SLC32A1: variants seen among roughly 807,000 people sequenced by gnomAD.
SLC32A1 encodes solute carrier family 32 member 1, also known as vesicular inhibitory amino acid transporter.
SLC32A1 carries 8 observed loss-of-function variants against 35.5 expected under a neutral mutation model. The ratio of observed to expected loss-of-function variants is 0.23; its 90% CI spans 0.13 to 0.41. The LOEUF (loss-of-function observed/expected upper bound fraction) is 0.41, where lower values mean the gene tolerates loss of function less well. SLC32A1 is among the 10% of genes least tolerant of loss of function. SLC32A1 has a pLI of 1.00. For synonymous variants in SLC32A1, 317 were observed against 326.3 expected, an observed-to-expected ratio of 0.97 and a Z score of 0.31; for missense variants, 493 against 722.3, an observed-to-expected ratio of 0.68 and a Z score of 3.64.
rs765185879 is a variant in SLC32A1, at chr20:38,727,961, C to T, written c.900C>T (p.Tyr300=). 6.2e-6 allele frequency: 10 copies of T among 1,614,170 alleles called. 1 individual carries two copies. In the South Asian group the frequency reaches 9.9e-5, roughly 16 times the overall value. The change falls in exon 2 of 2, where the codon TAC becomes TAT. Residue 300 remains tyrosine, a synonymous_variant. Coordinates refer to ENST00000217420, the MANE Select transcript of SLC32A1 (RefSeq NM_080552.3). ...RDWAWEKVKF[Y]IDVKKFPISI... ...GGGCCTGGGAGAAGGTCAAGTTCTA[C>T]ATCGACGTCAAGAAGTTCCCCATCT...
intron 1 of SLC32A1, 42 bp downstream of exon 1, chr20:38,725,156 C>T: frequency 6.7e-7 from 1 of 1,501,370 alleles, no homozygotes; most frequent in Non-Finnish European, 8.9e-7. Flanking sequence ...TCCCCCCTCC[C>T]AGCTCAGCGT....
chr20:38,727,288 A>G, intron 1 of SLC32A1, among the ~76,000 whole-genome samples, 164 bp from the exon 2 acceptor site: 1 of 150,190 alleles, frequency 6.7e-6, no homozygotes, highest in East Asian at 2.0e-4. Flanking sequence ...CCCTACATCC[A>G]CCCCGCAGCC....
Position 38,728,368 on chromosome 20 carries a change from G to A in SLC32A1, c.1307G>A (p.Arg436His). Residue 436 changes from arginine to histidine, a missense_variant, in exon 2 of 2, where the codon CGC becomes CAC. This residue lies in a region of SLC32A1 where 269 missense variants were observed against 445.6 expected (regional missense o/e 0.60). Transcript: ENST00000217420. ...GRLKSWGLTL[R>H]CALVVFTLLM... ...CTGAAGTCCTGGGGGCTGACGCTGC[G>A]CTGCGCGCTCGTCGTCTTCACGCTG... The A allele has an allele frequency of 6.2e-7, 1 of 1,611,408 alleles. No homozygotes were observed.
At chr20:38,725,487 G>A (rs1282835512) in intron 1 of SLC32A1, among the ~76,000 whole-genome samples, 1 of 152,188 alleles carries the variant, frequency 6.6e-6, no homozygotes, top group East Asian at 1.9e-4. Context: ...ATTCACAGCT[G>A]CATTTTTGGG....
chr20:38,725,224 A>G (rs1316230907), intron 1 of SLC32A1, 110 bp downstream of exon 1: 1 of 1,326,616 alleles, frequency 7.5e-7, no homozygotes, highest in South Asian at 1.7e-5. Flanking sequence ...CCCCTCCTGT[A>G]CCCAGGAATC....
chr20:38,728,059 C>G lies in SLC32A1; in HGVS notation c.998C>G (p.Pro333Arg), dbSNP rs771604217. The G allele has an allele frequency of 1.2e-6, 2 of 1,614,030 alleles. No homozygotes were observed. Among genetic ancestry groups the G allele is most frequent in the South Asian group, 2.2e-5 (2 of 91,088 alleles). ...TCGCTGGAGGGCAATATGCAGCAGC[C>G]CAGCGAGTTCCACTGCATGATGAAC... ...LPSLEGNMQQ[P>R]SEFHCMMNWT... The change falls in exon 2 of 2, where the codon CCC becomes CGC. Residue 333 changes from proline (P) to arginine (R), a missense_variant. By Grantham distance (103) the Pro-to-Arg change is moderately radical. Coordinates refer to ENST00000217420, the MANE Select transcript of SLC32A1 (RefSeq NM_080552.3).
chr20:38,728,731 T>G lies in SLC32A1; in HGVS notation c.*92T>G, dbSNP rs2084288346. The stretch of plus-strand genomic sequence containing the variant: ...AGCCCAGTGCGCCCTGCCGCCGCGC[T>G]TGGGAGGCCAAGCTTTAAACATCTC... On this transcript the variant is annotated 3_prime_UTR_variant, in exon 2 of 2. Coordinates refer to ENST00000217420, the MANE Select transcript of SLC32A1 (RefSeq NM_080552.3). 2 of 1,198,408 alleles carry G rather than the reference T, an allele frequency of 1.7e-6. No individual in the cohort carries two copies. The highest frequency in any genetic ancestry group is 1.5e-5 in the African/African-American group (1 of 64,896). 74.2% of individuals were successfully genotyped at this position (1,198,408 alleles called of 1,614,324 possible). A position where few individuals can be genotyped will look rare whatever the true frequency, so the allele number is the denominator to read the frequency against.
chr20:38,725,818 C>A (rs1184835581), intron 1 of SLC32A1, among the ~76,000 whole-genome samples: 1 of 152,200 alleles, frequency 6.6e-6, no homozygotes, highest in Non-Finnish European at 1.5e-5. Flanking sequence ...CCCTTGGGTG[C>A]GGCCCTGTTG....
intron 1 of SLC32A1, 54 bp from the exon 2 acceptor site, chr20:38,727,398 A>C (rs934530840): frequency 8.4e-6 from 13 of 1,550,328 alleles, no homozygotes; most frequent in Middle Eastern, 1.8e-4. Flanking sequence ...CGGGCCCCTC[A>C]TCCGTTGCCA....
Position 38,727,777 on chromosome 20 carries a change from C to A in SLC32A1, c.716C>A (p.Ser239Ter). 2.5e-6 allele frequency: 4 copies of A among 1,614,186 alleles called. No homozygotes were observed. Among genetic ancestry groups the A allele is most frequent in the Non-Finnish European group, 3.4e-6 (4 of 1,180,046 alleles). Residue 239 changes from serine (S) to a stop codon, truncating the protein, a stop_gained, in exon 2 of 2, where the codon TCG (serine) becomes TAG (stop). Transcript: ENST00000217420. LOFTEE classifies it high-confidence loss of function. ...MYNSFPGLPV[S>*]QKSWSIIATA... ...AACAGCTTCCCGGGGCTGCCCGTGT[C>A]GCAGAAGTCCTGGTCCATTATCGCC...
rs2084277937 is a variant in SLC32A1 at position 38,726,817 on chromosome 20, C to A, written c.391-635C>A. Among the ~76,000 whole-genome samples the A allele has an allele frequency of 6.6e-6, 1 of 152,206 alleles. No homozygotes were observed. Among genetic ancestry groups the A allele is most frequent in the Non-Finnish European group, 1.5e-5 (1 of 68,036 alleles). On this transcript the variant is annotated intron_variant, in intron 1 of 1. Coordinates refer to ENST00000217420, the MANE Select transcript of SLC32A1 (RefSeq NM_080552.3). This position sits in a 1 kb window ranked among gnomAD's most constrained non-coding sequence, Gnocchi z 4.7. Reference sequence around the variant, plus strand: ...CGTCTTCACATTGTCTCTGTTCTTGCCTCCCAGGGGCTTTGCCCCACCTTC... The same window carrying A: ...CGTCTTCACATTGTCTCTGTTCTTGACTCCCAGGGGCTTTGCCCCACCTTC...
rs1033324768 is a variant in SLC32A1, at chr20:38,724,766, G to T, written c.42G>T (p.Thr14=). ...GCAGCAAGCTGTCCAACGTGGCCAC[G>T]TCCGTGTCCAACAAGTCCCAGGCCA... ...LLRSKLSNVA[T]SVSNKSQAKM... Residue 14 remains threonine, a synonymous_variant, in exon 1 of 2, where the codon ACG becomes ACT. Coordinates refer to ENST00000217420, the MANE Select transcript of SLC32A1 (RefSeq NM_080552.3). 30 of 1,613,432 alleles carry T rather than the reference G, an allele frequency of 1.9e-5. No homozygotes were observed. The highest frequency in any genetic ancestry group is 2.1e-5 in the Non-Finnish European group (25 of 1,179,994).
chr20:38,729,119 T>G lies in SLC32A1; in HGVS notation c.*480T>G, dbSNP rs2084290032. 6.4e-6 allele frequency: 1 copy of G among 155,092 alleles called. No individual in the cohort carries two copies. Among genetic ancestry groups the G allele is most frequent in the Non-Finnish European group, 1.4e-5 (1 of 69,838 alleles). 9.6% of individuals were successfully genotyped at this position (155,092 alleles called of 1,614,324 possible). ...CAACCCTGCAGCGGGAAAGGCTGACTGGGAAATCCATTTTGGGTGGGCAAT... is the reference window on the plus strand; with the variant it reads ...CAACCCTGCAGCGGGAAAGGCTGACGGGGAAATCCATTTTGGGTGGGCAAT... On this transcript the variant is annotated 3_prime_UTR_variant, in exon 2 of 2. Transcript: ENST00000217420.
At chr20:38,725,622 G>A (rs1185956880) in intron 1 of SLC32A1, among the ~76,000 whole-genome samples, 1 of 152,082 alleles carries the variant, frequency 6.6e-6, no homozygotes, top group Admixed American at 6.5e-5. Context: ...GAACAAAGGC[G>A]CAGGCACAGG....
Position 38,727,574 on chromosome 20 carries a change from C to T in SLC32A1, c.513C>T (p.Tyr171=), listed in dbSNP as rs143574180. The T allele has an allele frequency of 1.2e-6, 2 of 1,611,052 alleles. No individual in the cohort carries two copies. The highest frequency in any genetic ancestry group is 1.7e-6 in the Non-Finnish European group (2 of 1,180,038). The part of the protein sequence containing the change: ...YTGKILIACL[Y]EENEDGEVVR... ...GCAAGATCCTCATCGCGTGCCTGTA[C>T]GAGGAGAATGAAGACGGCGAGGTGG... The change falls in exon 2 of 2, where the codon TAC becomes TAT. Residue 171 remains tyrosine, a synonymous_variant. Transcript: ENST00000217420.
rs760744084 is a variant in SLC32A1 at position 38,728,291 on chromosome 20, C to G, written c.1230C>G (p.Phe410Leu). Residue 410 changes from phenylalanine (F) to leucine (L), a missense_variant, in exon 2 of 2, where the codon TTC becomes TTG. By Grantham distance (22) the Phe-to-Leu change is conservative. Transcript: ENST00000217420. ...TCGAGGTGCTGGAGAAGTCGCTCTT[C>G]CAGGAAGGCAGCCGCGCCTTTTTCC... ...AAVEVLEKSL[F>L]QEGSRAFFPA... is the part of the protein sequence containing the mutation. 2 of 1,613,648 alleles carry G rather than the reference C, an allele frequency of 1.2e-6. No individual in the cohort carries two copies. Among genetic ancestry groups the G allele is most frequent in the Non-Finnish European group, 1.7e-6 (2 of 1,179,668 alleles).
At position 38,728,066 on chromosome 20, in the gene SLC32A1, G is replaced by C. The variant is rs1262212586; in HGVS notation, c.1005G>C (p.Glu335Asp). 12 of 1,613,896 alleles carry C rather than the reference G, an allele frequency of 7.4e-6. No homozygotes were observed. The East Asian group carries it at 1.1e-4, about 15-fold the overall frequency. The change falls in exon 2 of 2, where the codon GAG becomes GAC. Residue 335 changes from glutamate to aspartate, a missense_variant. Around this residue, in one of 4 missense-constraint regions of SLC32A1, gnomAD observed 269 missense variants for 445.6 expected, o/e 0.60. Transcript: ENST00000217420. ...AGGGCAATATGCAGCAGCCCAGCGA[G>C]TTCCACTGCATGATGAACTGGACGC... is the stretch of plus-strand genomic sequence containing the variant. ...SLEGNMQQPS[E>D]FHCMMNWTHI...
chr20:38,728,879 C>A lies in SLC32A1; in HGVS notation c.*240C>A. ...ACAACACCCTGGTTTTGGGGGGAGG[C>A]GGGGTGCATTTGCGGGCAGGGTTCT... On this transcript the variant is annotated 3_prime_UTR_variant, in exon 2 of 2. Coordinates refer to ENST00000217420, the MANE Select transcript of SLC32A1 (RefSeq NM_080552.3). 1 of 465,076 alleles carries A rather than the reference C, an allele frequency of 2.2e-6. No homozygotes were observed. Among genetic ancestry groups the A allele is most frequent in the Non-Finnish European group, 3.8e-6 (1 of 265,482 alleles). The allele number at this position is 465,076 out of a possible 1,614,324, so 28.8% of individuals were successfully genotyped here.
At position 38,727,784 on chromosome 20, in the gene SLC32A1, G is replaced by A. The variant is rs2084283109; in HGVS notation, c.723G>A (p.Lys241=). 6.2e-7 allele frequency: 1 copy of A among 1,614,200 alleles called. No homozygotes were observed. The highest frequency in any genetic ancestry group is 1.7e-5 in the Admixed American group (1 of 60,026). ...NSFPGLPVSQ[K]SWSIIATAVL... is the part of the protein sequence containing the mutation. Reference sequence around the variant, plus strand: ...TCCCGGGGCTGCCCGTGTCGCAGAAGTCCTGGTCCATTATCGCCACGGCCG... The same window carrying A: ...TCCCGGGGCTGCCCGTGTCGCAGAAATCCTGGTCCATTATCGCCACGGCCG... Residue 241 remains lysine (K), a synonymous_variant, in exon 2 of 2, where the codon AAG becomes AAA. Transcript: ENST00000217420.
Sources: allele counts gnomAD v4.1 joint callset (sites outside exome capture counted in the v4.1 genomes callset), GRCh38; gene constraint gnomAD v4.1.1; regional missense constraint gnomAD v4.1.1; non-coding constraint Gnocchi (gnomAD v3.1); transcripts MANE v1.5; gene names NCBI Gene and HGNC (gene_info 2026-07-23, HGNC 2026-07-21).